The following FILIP1L variants were observed in gnomAD, a reference collection of about 807,000 sequenced individuals.
FILIP1L encodes the protein filamin A-interacting protein 1-like.
Under a neutral mutation model 96.6 loss-of-function variants are expected in FILIP1L, and 55 were observed. That is an observed-to-expected ratio of 0.57 (90% CI 0.46 to 0.71). FILIP1L has a LOEUF of 0.71. FILIP1L is among the 30% of genes least tolerant of loss of function. The probability of loss-of-function intolerance (pLI) is 0.00; values close to 1 mark genes in which losing one functional copy is unlikely to be tolerated. For synonymous variants in FILIP1L, 467 were observed against 473.9 expected, an observed-to-expected ratio of 0.99 and a Z score of 0.19; for missense variants, 1,304 against 1,321.2, an observed-to-expected ratio of 0.99 and a Z score of 0.20.
intron 1 of FILIP1L, among the ~76,000 whole-genome samples, chr3:99,975,266 T>C (rs962118033): frequency 9.2e-5 from 14 of 152,174 alleles, no homozygotes; most frequent in African/African-American, 3.4e-4. Context: ...CTAAACTCCT[T>C]CTAGTTCGAG....
chr3:100,020,539 A>T (rs181223991), intron 1 of FILIP1L, among the ~76,000 whole-genome samples: 21 of 152,164 alleles, frequency 1.4e-4, no homozygotes, highest in African/African-American at 4.8e-4. Context: ...TGCTTTGGCC[A>T]TTCTGTTTTG....
chr3:99,957,906 G>A (rs1708380499), intron 1 of FILIP1L, among the ~76,000 whole-genome samples: 1 of 149,790 alleles, frequency 6.7e-6, no homozygotes, highest in Non-Finnish European at 1.5e-5. Context: ...AACAAAACCT[G>A]TGTTTGGAAC....
chr3:99,948,599 A>G (rs1454428570), intron 1 of FILIP1L, among the ~76,000 whole-genome samples: 6 of 135,416 alleles, frequency 4.4e-5, no homozygotes, highest in Non-Finnish European at 9.4e-5. Flanking sequence ...AGAGAGAAAG[A>G]GAGGGGAGGG....
chr3:99,857,587 C>A (rs1383082484), intron 4 of FILIP1L, among the ~76,000 whole-genome samples: 1 of 152,224 alleles, frequency 6.6e-6, no homozygotes, highest in African/African-American at 2.4e-5. Flanking sequence ...TATCTATAAT[C>A]TGACCACCCT....
At chr3:99,939,211 C>G (rs1707783622) in intron 1 of FILIP1L, among the ~76,000 whole-genome samples, 1 of 152,156 alleles carries the variant, frequency 6.6e-6, no homozygotes. Context: ...GTATCAGGCA[C>G]TTAGTATTTT....
chr3:99,863,230 A>G (rs1255225859), intron 4 of FILIP1L, among the ~76,000 whole-genome samples: 2 of 152,204 alleles, frequency 1.3e-5, no homozygotes, highest in Non-Finnish European at 2.9e-5. Context: ...CACAGTTCAC[A>G]ATAGGGTTCA....
chr3:99,968,445 A>G (rs941184686), intron 1 of FILIP1L, among the ~76,000 whole-genome samples: 1 of 151,468 alleles, frequency 6.6e-6, no homozygotes, highest in African/African-American at 2.4e-5. Flanking sequence ...AAAAAAAAAG[A>G]CTGAATGATA....
At chr3:100,018,095 G>A (rs752149876) in intron 1 of FILIP1L, among the ~76,000 whole-genome samples, 2 of 152,156 alleles carry the variant, frequency 1.3e-5, no homozygotes, top group East Asian at 1.9e-4. Flanking sequence ...TTGGGAGGCC[G>A]AGGCGGGCAG....
chr3:100,035,153 A>G (rs553355830), intron 1 of FILIP1L, among the ~76,000 whole-genome samples: 3 of 152,332 alleles, frequency 2.0e-5, no homozygotes, highest in Admixed American at 1.3e-4. Flanking sequence ...TTCTAGGATT[A>G]TTAGCAATTT....
chr3:99,886,202 A>C (rs1049821546), intron 4 of FILIP1L, among the ~76,000 whole-genome samples: 1 of 151,974 alleles, frequency 6.6e-6, no homozygotes, highest in African/African-American at 2.4e-5. Context: ...TATTTGTTGA[A>C]TACCTTCTGT....
intron 1 of FILIP1L, among the ~76,000 whole-genome samples, chr3:99,967,034 T>A (rs768941239): frequency 3.3e-5 from 5 of 151,928 alleles, no homozygotes; most frequent in African/African-American, 4.8e-5. Flanking sequence ...TGAGAAGAAA[T>A]GATAAGAGAG....
chr3:99,995,992 T>G (rs928090480), intron 1 of FILIP1L, among the ~76,000 whole-genome samples: 2 of 152,252 alleles, frequency 1.3e-5, no homozygotes, highest in Non-Finnish European at 2.9e-5. Flanking sequence ...GTGATTAACA[T>G]TCGGCTCCTT....
chr3:99,830,541 G>C lies in FILIP1L; in HGVS notation c.3446C>G (p.Thr1149Ser), dbSNP rs1301199638. The change falls in exon 6 of 6, where the codon ACC becomes AGC. Residue 1149 changes from threonine (T) to serine (S), a missense_variant. Thr to Ser is a moderately conservative substitution (Grantham distance 58). Transcript: ENST00000477258. ...RIPKPKSTGI[T>S]KISTKAPTVP... ...TGTGGGGGCTTTAGTGGAAATCTTG[G>C]TGATGCCTGTAGATTTCGGTTTAGG... 2 of 456,596 alleles carry C rather than the reference G, an allele frequency of 4.4e-6. No homozygotes were observed. Among genetic ancestry groups the C allele is most frequent in the African/African-American group, 4.0e-5 (2 of 50,064 alleles). The allele number at this position is 456,596 out of a possible 1,614,324, so 28.3% of individuals were successfully genotyped here. A position where few individuals can be genotyped will look rare whatever the true frequency, so the allele number is the denominator to read the frequency against.
chr3:99,933,664 T>C (rs1451960489), intron 1 of FILIP1L, among the ~76,000 whole-genome samples: 1 of 152,204 alleles, frequency 6.6e-6, no homozygotes, highest in Admixed American at 6.5e-5. Context: ...ATATATTTAA[T>C]ATAGGTAAAT....
intron 1 of FILIP1L, among the ~76,000 whole-genome samples, chr3:100,068,928 C>T (rs998049361): frequency 6.6e-6 from 1 of 152,230 alleles, no homozygotes; most frequent in Admixed American, 6.5e-5. Flanking sequence ...TCAGCTTGCT[C>T]TCACCCTCGC....
intron 1 of FILIP1L, among the ~76,000 whole-genome samples, chr3:100,107,422 A>G (rs1283543270): frequency 1.3e-5 from 2 of 152,094 alleles, no homozygotes. Context: ...ATTTCTGAAC[A>G]CTTTGTTTAC....
chr3:99,984,563 G>T (rs1200992816), intron 1 of FILIP1L, among the ~76,000 whole-genome samples: 1 of 152,146 alleles, frequency 6.6e-6, no homozygotes, highest in Non-Finnish European at 1.5e-5. Context: ...TCTGCACACT[G>T]CCAAGAGGTA....
chr3:99,849,600 C>G lies in FILIP1L; in HGVS notation c.2076G>C (p.Lys692Asn). ...GCCATTGTTCATGGCTGGTCTCTGTCTTTTCTGCTAACTTGTACTTAGCAA... is the reference window on the plus strand; with the variant it reads ...GCCATTGTTCATGGCTGGTCTCTGTGTTTTCTGCTAACTTGTACTTAGCAA... Reference protein sequence around the residue: ...MELAKYKLAEKTETSHEQWLF... With the variant: ...MELAKYKLAENTETSHEQWLF... The change falls in exon 5 of 6, where the codon AAG (lysine) becomes AAC (asparagine). Residue 692 changes from lysine (K) to asparagine (N), a missense_variant. Physicochemically the swap from Lys to Asn is moderately conservative, Grantham distance 94. Transcript: ENST00000477258. 6.2e-7 allele frequency: 1 copy of G among 1,613,476 alleles called. No individual in the cohort carries two copies. Among genetic ancestry groups the G allele is most frequent in the Non-Finnish European group, 8.5e-7 (1 of 1,179,994 alleles).
chr3:99,841,246 C>A (rs184382676), intron 5 of FILIP1L, among the ~76,000 whole-genome samples: 1 of 152,334 alleles, frequency 6.6e-6, no homozygotes, highest in Admixed American at 6.5e-5. Context: ...TACATTTGAA[C>A]AATTATATTT....
Sources: allele counts gnomAD v4.1 joint callset (sites outside exome capture counted in the v4.1 genomes callset), GRCh38; gene constraint gnomAD v4.1.1; transcripts MANE v1.5; gene names NCBI Gene and HGNC (gene_info 2026-07-23, HGNC 2026-07-21).